GNAQ: variants seen among roughly 807,000 people sequenced by gnomAD.
GNAQ encodes guanine nucleotide-binding protein G(q) subunit alpha.
In GNAQ, 8 loss-of-function variants were observed where a neutral mutation model predicts 43.9. That is an observed-to-expected ratio of 0.18 (90% confidence interval 0.11 to 0.33). The LOEUF (loss-of-function observed/expected upper bound fraction) is 0.33, where lower values mean the gene tolerates loss of function less well. Ranked by LOEUF, GNAQ falls within the 10% of genes least tolerant of loss-of-function variation. The pLI is 1.00. For missense variants in GNAQ, 158 were observed against 450.8 expected (o/e 0.35, Z 5.88); for synonymous variants, 155 against 170.7 (o/e 0.91, Z 0.71).
chr9:77,973,263 A>G (rs569818474), intron 1 of GNAQ, among the ~76,000 whole-genome samples: 1 of 152,196 alleles, frequency 6.6e-6, no homozygotes, highest in Admixed American at 6.5e-5. Context: ...TTCAGACACA[A>G]GTAGGCTGAG....
At chr9:77,797,041 G>GT (rs577207713) in intron 4 of GNAQ, among the ~76,000 whole-genome samples, 21 of 150,954 alleles carry the variant, frequency 1.4e-4, no homozygotes, top group Middle Eastern at 3.4e-3. Flanking sequence ...TCTCTCTTTT[G>GT]TTTTTTTTTG....
At chr9:77,801,170 A>T (rs1169910247) in intron 3 of GNAQ, among the ~76,000 whole-genome samples, 3 of 152,164 alleles carry the variant, frequency 2.0e-5, no homozygotes, top group African/African-American at 7.2e-5. Context: ...CCAGCACATG[A>T]AGTGGGAAAT....
chr9:77,786,160 G>A (rs1038300839), intron 5 of GNAQ, among the ~76,000 whole-genome samples: 1 of 151,948 alleles, frequency 6.6e-6, no homozygotes, highest in East Asian at 1.9e-4. Flanking sequence ...GGCAGATCGC[G>A]AGGTCATGAG....
rs149485746 is a variant in GNAQ, at chr9:77,813,064, C to T, written c.476+2552G>A. ...AGTAGCTAGGACTACAGGCGCACCCCACCACGCCTGGCTACTTTTTTGGTA... is the reference window on the plus strand; with the variant it reads ...AGTAGCTAGGACTACAGGCGCACCCTACCACGCCTGGCTACTTTTTTGGTA... On this transcript the variant is annotated intron_variant, in intron 3 of 6. Transcript: ENST00000286548. 4.0e-3 allele frequency among the ~76,000 whole-genome samples: 606 copies of T among 152,028 alleles called. 5 individuals are homozygous for T. Among genetic ancestry groups the T allele is most frequent in the Non-Finnish European group, 7.1e-3 (485 of 67,978 alleles).
intron 1 of GNAQ, among the ~76,000 whole-genome samples, chr9:77,965,022 C>CA (rs746480803): frequency 1.3e-5 from 2 of 152,036 alleles, no homozygotes; most frequent in Admixed American, 6.6e-5. Context: ...AAGTCTATAC[C>CA]AAAAACAATT....
intron 1 of GNAQ, among the ~76,000 whole-genome samples, chr9:77,980,477 A>C (rs1003029236): frequency 6.6e-6 from 1 of 152,200 alleles, no homozygotes; most frequent in African/African-American, 2.4e-5. Context: ...AATTTGGTCA[A>C]AGATCATGTT....
intron 1 of GNAQ, among the ~76,000 whole-genome samples, chr9:77,991,262 C>G (rs1345832925): frequency 1.3e-5 from 2 of 152,144 alleles, no homozygotes; most frequent in African/African-American, 4.8e-5. Flanking sequence ...TAAACTGATC[C>G]AACACTATCA....
rs200109719 is a variant in GNAQ, at chr9:78,013,488, G to A, written c.136+17612C>T. Among the ~76,000 whole-genome samples the A allele has an allele frequency of 1.2e-4, 17 of 141,616 alleles. No homozygotes were observed. The East Asian group carries it at 3.9e-3, about 32-fold the overall frequency. The allele number at this position is 141,616 out of a possible 152,430, so 92.9% of individuals were successfully genotyped here. A position where few individuals can be genotyped will look rare whatever the true frequency, so the allele number is the denominator to read the frequency against. On this transcript the variant is annotated intron_variant, in intron 1 of 6. Transcript: ENST00000286548. ...CTCCCCCCACCCCACAACAGGCCCCGGTTTGTGATGTTCCCCTTCCTGCGT... is the reference window on the plus strand; with the variant it reads ...CTCCCCCCACCCCACAACAGGCCCCAGTTTGTGATGTTCCCCTTCCTGCGT...
At position 77,835,750 on chromosome 9, in the gene GNAQ, C is replaced by T. The variant is rs80233053; in HGVS notation, c.322-19980G>A. On this transcript the variant is annotated intron_variant, in intron 2 of 6. Transcript: ENST00000286548. ...GGAGGACTGATAAATAACTTGCCTACGAATTGCAGAGCCAAGATTTAACCC... is the reference window on the plus strand; with the variant it reads ...GGAGGACTGATAAATAACTTGCCTATGAATTGCAGAGCCAAGATTTAACCC... 4.3e-3 allele frequency among the ~76,000 whole-genome samples: 654 copies of T among 152,220 alleles called. 4 individuals are homozygous for T. The highest frequency in any genetic ancestry group is 0.015 in the African/African-American group (617 of 41,522).
rs549602575 is a variant in GNAQ, at chr9:77,990,551, C to A, written c.136+40549G>T. Among the ~76,000 whole-genome samples the A allele has an allele frequency of 2.6e-4, 39 of 152,270 alleles. No homozygotes were observed. In the East Asian group the frequency reaches 7.3e-3, roughly 29 times the overall value. ...TTTAAGCCTTTTCCAGAGTTCTTGTCAAAGGCTCCAGGTTTTTCACACTTT... is the reference window on the plus strand; with the variant it reads ...TTTAAGCCTTTTCCAGAGTTCTTGTAAAAGGCTCCAGGTTTTTCACACTTT... On this transcript the variant is annotated intron_variant, in intron 1 of 6. Transcript: ENST00000286548.
intron 5 of GNAQ, among the ~76,000 whole-genome samples, chr9:77,784,265 A>C (rs973122380): frequency 6.6e-6 from 1 of 152,174 alleles, no homozygotes; most frequent in African/African-American, 2.4e-5. Flanking sequence ...CACACAGTGT[A>C]TACAATTTAT....
intron 1 of GNAQ, among the ~76,000 whole-genome samples, chr9:77,979,464 C>G (rs1338819885): frequency 6.6e-6 from 1 of 151,580 alleles, no homozygotes; most frequent in Non-Finnish European, 1.5e-5. Flanking sequence ...TTCTTTTTTT[C>G]AATCAAAACT....
intron 1 of GNAQ, among the ~76,000 whole-genome samples, chr9:77,951,805 G>C (rs1323989856): frequency 6.6e-6 from 1 of 152,180 alleles, no homozygotes; most frequent in African/African-American, 2.4e-5. Flanking sequence ...AGATCCAAGA[G>C]ATGTGAATGA....
At chr9:77,900,164 T>C (rs1395736137) in intron 2 of GNAQ, among the ~76,000 whole-genome samples, 2 of 152,180 alleles carry the variant, frequency 1.3e-5, no homozygotes, top group African/African-American at 4.8e-5. Flanking sequence ...GCTGTTCTCA[T>C]ACTTGTGGTA....
chr9:77,773,745 C>T (rs1468771533), intron 5 of GNAQ, among the ~76,000 whole-genome samples: 1 of 152,156 alleles, frequency 6.6e-6, no homozygotes, highest in Non-Finnish European at 1.5e-5. Context: ...CGTGTGAAAA[C>T]ATGTTAGAGA....
At chr9:77,774,518 G>C (rs1479300604) in intron 5 of GNAQ, among the ~76,000 whole-genome samples, 1 of 152,158 alleles carries the variant, frequency 6.6e-6, no homozygotes, top group Non-Finnish European at 1.5e-5. Flanking sequence ...CTGGAGTGTA[G>C]TGGCACAATC....
At position 77,967,268 on chromosome 9, in the gene GNAQ, C is replaced by T. The variant is rs570748498; in HGVS notation, c.137-44923G>A. ...TCACATGGAGGAAAAGATTCAGTTC[C>T]CTCGGTCAGATCCAACTGTGGCCAC... On this transcript the variant is annotated intron_variant, in intron 1 of 6. Transcript: ENST00000286548. Among the ~76,000 whole-genome samples the T allele has an allele frequency of 3.3e-5, 5 of 152,232 alleles. No individual in the cohort carries two copies. The South Asian group carries it at 6.2e-4, about 19-fold the overall frequency.
intron 2 of GNAQ, among the ~76,000 whole-genome samples, chr9:77,827,448 C>T (rs1038525382): frequency 6.6e-6 from 1 of 150,500 alleles, no homozygotes; most frequent in East Asian, 2.0e-4. Context: ...ATGCATATTG[C>T]CTCTTTTATG....
At chr9:77,980,880 C>T (rs955594429) in intron 1 of GNAQ, among the ~76,000 whole-genome samples, 18 of 152,136 alleles carry the variant, frequency 1.2e-4, no homozygotes, top group Non-Finnish European at 2.6e-4. Flanking sequence ...ATTTCAAGCT[C>T]CACCTCTCAC....
Sources: gnomAD v4.1 joint callset for allele counts (sites outside exome capture counted in the v4.1 genomes callset) on GRCh38, gnomAD v4.1.1 for gene constraint, MANE v1.5 for transcripts, NCBI Gene and HGNC (gene_info 2026-07-23, HGNC 2026-07-21) for gene names.